Variants in DLG2 observed in about 807,000 individuals in gnomAD.
The protein encoded by DLG2 is disks large homolog 2.
DLG2 carries 45 observed loss-of-function variants against 132.5 expected under a neutral mutation model. That is an observed-to-expected ratio of 0.34 (90% CI 0.27 to 0.44). The LOEUF (loss-of-function observed/expected upper bound fraction) is 0.44, where lower values mean the gene tolerates loss of function less well. Ranked by LOEUF, DLG2 falls within the 20% of genes least tolerant of loss-of-function variation. The pLI is 1.00. For synonymous variants in DLG2, 424 were observed against 419.6 expected (o/e 1.01, Z -0.13); for missense variants, 1,045 against 1,196.9 (o/e 0.87, Z 1.87).
intron 17 of DLG2, among the ~76,000 whole-genome samples, chr11:83,813,428 C>T (rs999233521): frequency 6.6e-6 from 1 of 152,130 alleles, no homozygotes; most frequent in Non-Finnish European, 1.5e-5. Context: ...GGAATGCTTT[C>T]TCCCAAGCCC....
chr11:84,002,153 T>TA (rs1179913922), intron 11 of DLG2, among the ~76,000 whole-genome samples: 2 of 152,106 alleles, frequency 1.3e-5, no homozygotes, highest in African/African-American at 4.8e-5. Flanking sequence ...AGAAAATTGA[T>TA]AAACTACCAC....
At position 84,463,143 on chromosome 11, in the gene DLG2, G is replaced by A. The variant is rs1411987014; in HGVS notation, c.519+71427C>T. Among the ~76,000 whole-genome samples, 3 of 151,228 alleles carry A rather than the reference G, an allele frequency of 2.0e-5. No individual in the cohort carries two copies. In the South Asian group the frequency reaches 6.2e-4, roughly 31 times the overall value. ...GGTTCAGCCCCTTGCTCAATGTCAC[G>A]CCAAGGAGTAGAGCCAGTTCACAGA... On this transcript the variant is annotated intron_variant, in intron 7 of 27. Coordinates refer to ENST00000376104, the MANE Select transcript of DLG2 (RefSeq NM_001142699.3).
intron 3 of DLG2, among the ~76,000 whole-genome samples, chr11:85,575,686 T>C (rs551788852): frequency 6.6e-6 from 1 of 152,314 alleles, no homozygotes; most frequent in African/African-American, 2.4e-5. Flanking sequence ...ACTCACTGTC[T>C]CAGCTCCCTC....
intron 12 of DLG2, among the ~76,000 whole-genome samples, chr11:83,966,563 C>T (rs576685641): frequency 5.9e-5 from 9 of 151,964 alleles, no homozygotes; most frequent in Non-Finnish European, 8.8e-5. Context: ...TTAGAATAAA[C>T]GTTAATTCAG....
At chr11:83,996,785 A>C (rs1448181160) in intron 11 of DLG2, among the ~76,000 whole-genome samples, 3 of 152,146 alleles carry the variant, frequency 2.0e-5, no homozygotes, top group Admixed American at 1.3e-4. Context: ...GAACTCATGG[A>C]CATACAATAG....
At chr11:85,527,488 T>C (rs1241587836) in intron 3 of DLG2, among the ~76,000 whole-genome samples, 2 of 152,120 alleles carry the variant, frequency 1.3e-5, no homozygotes, top group African/African-American at 4.8e-5. Flanking sequence ...AGGATAATGG[T>C]TTCCAGCTTC....
At chr11:83,727,900 C>T (rs996637802) in intron 18 of DLG2, among the ~76,000 whole-genome samples, 1 of 152,112 alleles carries the variant, frequency 6.6e-6, no homozygotes, top group Admixed American at 6.6e-5. Flanking sequence ...ATTTTAAAGG[C>T]CACAGAACTA....
At chr11:83,698,420 G>T (rs2153636284) in intron 18 of DLG2, among the ~76,000 whole-genome samples, 1 of 152,230 alleles carries the variant, frequency 6.6e-6, no homozygotes. Flanking sequence ...AAATTATTTT[G>T]TGAGTGAACC....
intron 9 of DLG2, among the ~76,000 whole-genome samples, chr11:84,120,575 A>C (rs1448114632): frequency 6.6e-6 from 1 of 152,230 alleles, no homozygotes; most frequent in African/African-American, 2.4e-5. Flanking sequence ...CAGTTCTGCC[A>C]CAGAGTGGGT....
chr11:84,301,584 G>A (rs200838737), intron 7 of DLG2, among the ~76,000 whole-genome samples: 3 of 151,012 alleles, frequency 2.0e-5, no homozygotes, highest in Non-Finnish European at 3.0e-5. Flanking sequence ...GTGTGAACCC[G>A]GGAGGTGGAG....
chr11:85,247,830 T>G (rs1327095772), intron 4 of DLG2, among the ~76,000 whole-genome samples: 1 of 152,086 alleles, frequency 6.6e-6, no homozygotes, highest in Non-Finnish European at 1.5e-5. Context: ...GAGTATATAT[T>G]ATATTAGATA....
At chr11:84,556,413 A>T (rs1345449245) in intron 6 of DLG2, among the ~76,000 whole-genome samples, 1 of 152,190 alleles carries the variant, frequency 6.6e-6, no homozygotes, top group African/African-American at 2.4e-5. Flanking sequence ...CAACAACCCT[A>T]AATGGTTAGA....
At chr11:84,677,741 A>T (rs1052920670) in intron 6 of DLG2, among the ~76,000 whole-genome samples, 2 of 151,944 alleles carry the variant, frequency 1.3e-5, no homozygotes, top group Non-Finnish European at 2.9e-5. Flanking sequence ...ATAATAATAA[A>T]AATTAGCTGG....
intron 3 of DLG2, among the ~76,000 whole-genome samples, chr11:85,434,295 T>C (rs1374172712): frequency 3.3e-5 from 5 of 151,560 alleles, no homozygotes; most frequent in Admixed American, 6.6e-5. Context: ...ATTCGAAAGC[T>C]AGCAGAAGAA....
intron 3 of DLG2, among the ~76,000 whole-genome samples, chr11:85,334,627 T>C (rs2082001831): frequency 1.3e-5 from 2 of 151,998 alleles, no homozygotes; most frequent in Admixed American, 6.6e-5. Flanking sequence ...TTGGTATATC[T>C]TTTTTTCATT....
At chr11:85,600,252 A>G (rs1370946145) in intron 2 of DLG2, among the ~76,000 whole-genome samples, 2 of 152,056 alleles carry the variant, frequency 1.3e-5, no homozygotes, top group East Asian at 3.8e-4. Context: ...TGCTTACTCA[A>G]GGAAATTGTT....
chr11:84,695,616 C>T (rs1193627107), intron 6 of DLG2, among the ~76,000 whole-genome samples: 1 of 151,472 alleles, frequency 6.6e-6, no homozygotes, highest in Non-Finnish European at 1.5e-5. Context: ...GGTTTTGTAT[C>T]AGCATTTTAA....
intron 4 of DLG2, among the ~76,000 whole-genome samples, chr11:85,239,603 A>C (rs2075774629): frequency 6.6e-6 from 1 of 152,010 alleles, no homozygotes; most frequent in Admixed American, 6.6e-5. Context: ...GTGTTGTTGA[A>C]GGGTCAACTG....
At chr11:84,343,138 C>G (rs1194774837) in intron 7 of DLG2, among the ~76,000 whole-genome samples, 1 of 152,148 alleles carries the variant, frequency 6.6e-6, no homozygotes, top group African/African-American at 2.4e-5. Flanking sequence ...GAAGAGAAAG[C>G]TTTGCAGAGA....
Sources: gnomAD v4.1 joint callset for allele counts (sites outside exome capture counted in the v4.1 genomes callset) on GRCh38, gnomAD v4.1.1 for gene constraint, MANE v1.5 for transcripts, NCBI Gene and HGNC (gene_info 2026-07-23, HGNC 2026-07-21) for gene names.